DCC: variants seen among roughly 807,000 people sequenced by gnomAD.
DCC encodes netrin receptor DCC.
A neutral mutation model predicts 172.5 loss-of-function variants in DCC; 58 were observed. The ratio of observed to expected loss-of-function variants is 0.34; its 90% confidence interval spans 0.27 to 0.42. DCC has a LOEUF of 0.42. Ranked by LOEUF, DCC falls within the 10% of genes least tolerant of loss-of-function variation. DCC has a pLI of 1.00. For missense variants in DCC, 1,740 were observed against 1,791.0 expected (o/e 0.97, Z 0.51); for synonymous variants, 709 against 644.5 (o/e 1.10, Z -1.52).
chr18:52,513,173 A>G (rs543620789), intron 1 of DCC, among the ~76,000 whole-genome samples: 1 of 152,322 alleles, frequency 6.6e-6, no homozygotes, highest in South Asian at 2.1e-4. Context: ...GAAAGAAGGG[A>G]TAGTAATAGA....
intron 2 of DCC, among the ~76,000 whole-genome samples, chr18:52,822,927 A>C (rs1460540653): frequency 6.7e-6 from 1 of 149,886 alleles, no homozygotes; most frequent in Non-Finnish European, 1.5e-5. Flanking sequence ...ATATTTAAGA[A>C]GTGGTATTTT....
chr18:53,529,342 T>C (rs928295314), intron 28 of DCC, among the ~76,000 whole-genome samples: 6 of 152,108 alleles, frequency 3.9e-5, no homozygotes, highest in African/African-American at 1.4e-4. Context: ...TAGATATACA[T>C]CTCTGATCAT....
chr18:53,415,788 GATA>G (rs1910278451), intron 20 of DCC, among the ~76,000 whole-genome samples: 1 of 148,620 alleles, frequency 6.7e-6, no homozygotes, highest in Non-Finnish European at 1.5e-5. Context: ...ATATATGGGT[GATA>G]ATTACTTGGT....
At chr18:52,719,050 C>A (rs1050170004) in intron 1 of DCC, among the ~76,000 whole-genome samples, 4 of 152,104 alleles carry the variant, frequency 2.6e-5, no homozygotes, top group African/African-American at 9.7e-5. Context: ...ATGGCCCCAG[C>A]CACCCTTAGG....
intron 12 of DCC, among the ~76,000 whole-genome samples, chr18:53,281,762 ATTTTTT>A (rs754969859): frequency 1.7e-5 from 2 of 115,302 alleles, no homozygotes; most frequent in African/African-American, 6.3e-5. Context: ...TTAATGGGGG[ATTTTTT>A]TTTTTTTTTT....
intron 26 of DCC, among the ~76,000 whole-genome samples, chr18:53,489,583 A>G (rs560649110): frequency 6.6e-6 from 1 of 152,288 alleles, no homozygotes; most frequent in East Asian, 1.9e-4. Flanking sequence ...TTAAAAGAAA[A>G]AGTTGACTTT....
chr18:52,947,051 T>C (rs1004740085), intron 5 of DCC, among the ~76,000 whole-genome samples: 2 of 152,160 alleles, frequency 1.3e-5, no homozygotes, highest in African/African-American at 2.4e-5. Context: ...ATCGATCCCA[T>C]CTAAAACACT....
At chr18:52,737,041 T>C (rs1194147314) in intron 1 of DCC, among the ~76,000 whole-genome samples, 1 of 152,208 alleles carries the variant, frequency 6.6e-6, no homozygotes, top group Non-Finnish European at 1.5e-5. Flanking sequence ...AATGGATTTA[T>C]AGTCTCTATC....
At chr18:52,917,950 T>C (rs1418288078) in intron 3 of DCC, among the ~76,000 whole-genome samples, 1 of 151,470 alleles carries the variant, frequency 6.6e-6, no homozygotes, top group African/African-American at 2.4e-5. Flanking sequence ...CTTTTGTAGA[T>C]TTTAATACCA....
intron 14 of DCC, among the ~76,000 whole-genome samples, chr18:53,337,762 G>C (rs1208062720): frequency 6.6e-6 from 1 of 152,192 alleles, no homozygotes; most frequent in East Asian, 1.9e-4. Context: ...ATAAGAACAT[G>C]CTTCTATCTA....
chr18:53,356,454 A>T (rs2057878962), intron 15 of DCC, among the ~76,000 whole-genome samples: 1 of 152,102 alleles, frequency 6.6e-6, no homozygotes, highest in Admixed American at 6.6e-5. Context: ...ACATGCAGTT[A>T]TGTTACTTTG....
At chr18:53,172,048 A>G (rs1031614212) in intron 8 of DCC, among the ~76,000 whole-genome samples, 2 of 152,098 alleles carry the variant, frequency 1.3e-5, no homozygotes, top group Admixed American at 1.3e-4. Context: ...TATCCAAAAT[A>G]AATTAAATAA....
Position 53,062,624 on chromosome 18 carries a change from T to G in DCC, c.986-681T>G, listed in dbSNP as rs117026102. Among the ~76,000 whole-genome samples the G allele has an allele frequency of 2.6e-3, 392 of 152,298 alleles. 1 individual carries two copies. The highest frequency in any genetic ancestry group is 3.7e-3 in the Non-Finnish European group (254 of 68,018). ...TAGCAAAGATGTGTTATATTTATAA[T>G]TTTCATTCAATTGCAAATTTCCATC... On this transcript the variant is annotated intron_variant, in intron 5 of 28. Coordinates refer to ENST00000442544, the MANE Select transcript of DCC (RefSeq NM_005215.4).
chr18:53,486,931 C>G lies in DCC; in HGVS notation c.3871C>G (p.Arg1291Gly), dbSNP rs763256379. 3 of 1,614,150 alleles carry G rather than the reference C, an allele frequency of 1.9e-6. No homozygotes were observed. The highest frequency in any genetic ancestry group is 2.5e-6 in the Non-Finnish European group (3 of 1,180,036). ...PVPFPTLSVDRGFGAGRSQSV... is the reference protein window; with the variant it reads ...PVPFPTLSVDGGFGAGRSQSV... ...GCCATTCCCAACACTCTCAGTGGAC[C>G]GAGGTTTCGGAGCAGGAAGAAGTCA... The change falls in exon 26 of 29, where the codon CGA (arginine) becomes GGA (glycine). Residue 1291 changes from arginine to glycine, a missense_variant. Arg to Gly is a moderately radical substitution (Grantham distance 125). Transcript: ENST00000442544.
At chr18:52,926,937 AC>A (rs138009298) in intron 5 of DCC, among the ~76,000 whole-genome samples, 53,494 of 139,464 alleles carry the variant, frequency 0.38, 11,114 homozygotes, top group Non-Finnish European at 0.46. Context: ...GTATATATAA[AC>A]GTATATGATA....
chr18:52,400,607 G>A (rs1347195460), intron 1 of DCC, among the ~76,000 whole-genome samples: 1 of 151,826 alleles, frequency 6.6e-6, no homozygotes, highest in East Asian at 1.9e-4. Flanking sequence ...TAAACCCAAA[G>A]GATTATAAAT....
chr18:53,148,526 G>A (rs2043949652), intron 7 of DCC, among the ~76,000 whole-genome samples: 1 of 152,108 alleles, frequency 6.6e-6, no homozygotes, highest in Non-Finnish European at 1.5e-5. Context: ...TCCTGTAGTT[G>A]GGGAAAGATG....
At chr18:53,397,558 A>C in intron 18 of DCC, 112 bp downstream of exon 18, 1 of 1,188,732 alleles carries the variant, frequency 8.4e-7, no homozygotes. Context: ...TCCTATATAA[A>C]ATAGTTCATC....
chr18:52,856,219 G>A (rs187642209), intron 2 of DCC, among the ~76,000 whole-genome samples: 39 of 152,220 alleles, frequency 2.6e-4, no homozygotes, highest in African/African-American at 8.7e-4. Context: ...ATTTAAATAC[G>A]TGTGTGTATG....
Sources: gnomAD v4.1 joint callset for allele counts (sites outside exome capture counted in the v4.1 genomes callset) on GRCh38, gnomAD v4.1.1 for gene constraint, MANE v1.5 for transcripts, NCBI Gene and HGNC (gene_info 2026-07-23, HGNC 2026-07-21) for gene names.